The following PRKAG2 variants were observed in gnomAD, a reference collection of about 807,000 sequenced individuals.
PRKAG2 encodes 5'-AMP-activated protein kinase subunit gamma-2.
A neutral mutation model predicts 69.6 loss-of-function variants in PRKAG2; 26 were observed. That is an observed-to-expected ratio of 0.37 (90% confidence interval 0.27 to 0.52). The LOEUF is 0.52. Ranked by LOEUF, PRKAG2 falls within the 20% of genes least tolerant of loss-of-function variation. The pLI is 0.90. For synonymous variants in PRKAG2, 293 were observed against 285.0 expected, an observed-to-expected ratio of 1.03 and a Z score of -0.28; for missense variants, 557 against 740.0, an observed-to-expected ratio of 0.75 and a Z score of 2.87.
chr7:151,818,773 G>A (rs1461908933), intron 1 of PRKAG2, among the ~76,000 whole-genome samples: 1 of 152,228 alleles, frequency 6.6e-6, no homozygotes, highest in Non-Finnish European at 1.5e-5. Flanking sequence ...GGCAGCTGGG[G>A]ATTCGGGGCA....
At chr7:151,653,134 T>C (rs888423973) in intron 4 of PRKAG2, among the ~76,000 whole-genome samples, 1 of 148,798 alleles carries the variant, frequency 6.7e-6, no homozygotes, top group Non-Finnish European at 1.5e-5. Context: ...TAGCAGAGCC[T>C]AGTACAGCTA....
At chr7:151,806,160 G>A (rs1221266916) in intron 1 of PRKAG2, among the ~76,000 whole-genome samples, 1 of 152,236 alleles carries the variant, frequency 6.6e-6, no homozygotes, top group Non-Finnish European at 1.5e-5. Flanking sequence ...CTGCACCCCA[G>A]CTTGGGCGAC....
intron 3 of PRKAG2, among the ~76,000 whole-genome samples, chr7:151,700,546 C>T (rs962866922): frequency 6.6e-6 from 1 of 152,146 alleles, no homozygotes; most frequent in Non-Finnish European, 1.5e-5. Flanking sequence ...TGAGCCCCAC[C>T]CTCAGAGATT....
At chr7:151,606,637 T>C (rs1817624173) in intron 5 of PRKAG2, among the ~76,000 whole-genome samples, 1 of 152,060 alleles carries the variant, frequency 6.6e-6, no homozygotes, top group African/African-American at 2.4e-5. Context: ...CTGGGCAACA[T>C]GGTGAATCCC....
At chr7:151,572,836 G>T in intron 8 of PRKAG2, 127 bp from the exon 9 acceptor site, 1 of 607,042 alleles carries the variant, frequency 1.6e-6, no homozygotes. Flanking sequence ...GAGGCGGCCA[G>T]GTGCGGTTGC....
intron 3 of PRKAG2, among the ~76,000 whole-genome samples, chr7:151,678,461 C>G (rs1833308600): frequency 6.6e-6 from 1 of 152,058 alleles, no homozygotes; most frequent in African/African-American, 2.4e-5. Context: ...TTTTGTGTGT[C>G]CGGGGGAGGT....
At chr7:151,874,727 A>T (rs1214713736) in intron 1 of PRKAG2, among the ~76,000 whole-genome samples, 1 of 152,186 alleles carries the variant, frequency 6.6e-6, no homozygotes. Context: ...GTCTACAAAA[A>T]AAATAAATAA....
chr7:151,711,061 TA>T (rs1795224567), intron 3 of PRKAG2, among the ~76,000 whole-genome samples: 1 of 152,090 alleles, frequency 6.6e-6, no homozygotes, highest in Non-Finnish European at 1.5e-5. Flanking sequence ...CTGAGAGTGC[TA>T]GACTTAGAGT....
At chr7:151,725,176 A>G (rs2151655676) in intron 3 of PRKAG2, among the ~76,000 whole-genome samples, 1 of 152,264 alleles carries the variant, frequency 6.6e-6, no homozygotes, top group Admixed American at 6.5e-5. Flanking sequence ...TGGGGTCCAC[A>G]TGCACAGCAG....
chr7:151,870,604 G>C (rs1028781502), intron 1 of PRKAG2, among the ~76,000 whole-genome samples: 1 of 152,212 alleles, frequency 6.6e-6, no homozygotes, highest in Non-Finnish European at 1.5e-5. Context: ...GGGGCACAAA[G>C]CACTGTCACG....
At chr7:151,703,300 C>A (rs1838028636) in intron 3 of PRKAG2, among the ~76,000 whole-genome samples, 1 of 152,230 alleles carries the variant, frequency 6.6e-6, no homozygotes. Context: ...AGAGCTCCTG[C>A]AGCTGCTTTT....
intron 1 of PRKAG2, among the ~76,000 whole-genome samples, chr7:151,842,506 GGATGGTAGTGATGGTAGGTAGTGAT>G (rs1465178852): frequency 6.8e-4 from 83 of 122,892 alleles, no homozygotes; most frequent in African/African-American, 2.5e-3. Context: ...GGGATGGTAG[GGATGGTAGTGATGGTAGGTAGTGAT>G]GATGGTAGTG....
At chr7:151,812,677 C>T (rs1447368049) in intron 1 of PRKAG2, among the ~76,000 whole-genome samples, 3 of 152,132 alleles carry the variant, frequency 2.0e-5, no homozygotes, top group Non-Finnish European at 2.9e-5. Flanking sequence ...ACACGAAGAC[C>T]AGGCTTAGGG....
intron 4 of PRKAG2, among the ~76,000 whole-genome samples, chr7:151,647,760 T>C (rs569843332): frequency 1.3e-5 from 2 of 152,348 alleles, no homozygotes; most frequent in South Asian, 4.1e-4. Context: ...TGAATGTAGA[T>C]AATCTCAAAT....
rs553214822 is a variant in PRKAG2, at chr7:151,559,827, G to C, written c.1678+697C>G. On this transcript the variant is annotated intron_variant, in intron 15 of 15. Transcript: ENST00000287878. ...GGTTGTTCATATTTGACTGGGGCTGGGGAGGTGGAGGGATGGGAAGAGGAG... is the reference window on the plus strand; with the variant it reads ...GGTTGTTCATATTTGACTGGGGCTGCGGAGGTGGAGGGATGGGAAGAGGAG... The C allele has an allele frequency of 4.0e-5, 39 of 985,340 alleles. No homozygotes were observed. In the African/African-American group the frequency reaches 6.1e-4, roughly 15 times the overall value. The allele number at this position is 985,340 out of a possible 1,614,324, so 61.0% of individuals were successfully genotyped here.
chr7:151,831,027 G>A (rs2079014507), intron 1 of PRKAG2, among the ~76,000 whole-genome samples: 2 of 152,002 alleles, frequency 1.3e-5, no homozygotes, highest in Admixed American at 1.3e-4. Flanking sequence ...AAACCACAAT[G>A]AGACACCACT....
chr7:151,671,554 T>C (rs1832047888), intron 4 of PRKAG2, among the ~76,000 whole-genome samples: 1 of 152,260 alleles, frequency 6.6e-6, no homozygotes, highest in South Asian at 2.1e-4. Flanking sequence ...ATATGTTCTC[T>C]GCATGCCAAA....
chr7:151,614,849 A>G lies in PRKAG2; in HGVS notation c.754+17220T>C, dbSNP rs752718868. ...CACTTGGCACTGGGCTCTCAGCCCC[A>G]GTCTCCTCACCTTTACACTGGAACA... is the stretch of plus-strand genomic sequence containing the variant. On this transcript the variant is annotated intron_variant, in intron 5 of 15. Coordinates refer to ENST00000287878, the MANE Select transcript of PRKAG2 (RefSeq NM_016203.4). This position sits in a 1 kb window ranked among gnomAD's most constrained non-coding sequence, Gnocchi z 4.4. 6.6e-6 allele frequency among the ~76,000 whole-genome samples: 1 copy of G among 152,232 alleles called. No individual in the cohort carries two copies. Among genetic ancestry groups the G allele is most frequent in the East Asian group, 1.9e-4 (1 of 5,194 alleles).
intron 3 of PRKAG2, among the ~76,000 whole-genome samples, chr7:151,706,776 C>T (rs763880251): frequency 2.0e-5 from 3 of 152,256 alleles, no homozygotes; most frequent in Non-Finnish European, 2.9e-5. Flanking sequence ...CAGCCTGAGT[C>T]TAGAATACGT....
Sources: gnomAD v4.1 joint callset for allele counts (sites outside exome capture counted in the v4.1 genomes callset) on GRCh38, gnomAD v4.1.1 for gene constraint, Gnocchi (gnomAD v3.1) non-coding constraint, MANE v1.5 for transcripts, NCBI Gene and HGNC (gene_info 2026-07-23, HGNC 2026-07-21) for gene names.